OOSP4B: variants seen among roughly 807,000 people sequenced by gnomAD.
OOSP4B encodes oocyte secreted protein family member 4B.
intron 4 of OOSP4B, among the ~76,000 whole-genome samples, chr11:60,030,530 A>G (rs1282153206): frequency 1.3e-5 from 2 of 152,220 alleles, no homozygotes; most frequent in East Asian, 1.9e-4. Context: ...ACTTAAAATC[A>G]AAGTTGAAAT....
At chr11:60,022,437 T>C (rs891035932) in intron 1 of OOSP4B, 3 of 152,196 alleles carry the variant, frequency 2.0e-5, no homozygotes, top group African/African-American at 7.2e-5. Context: ...TATTAATCTC[T>C]CTAGGAAAAT....
At chr11:60,026,399 T>C (rs2134627591) in intron 3 of OOSP4B, among the ~76,000 whole-genome samples, 2 of 152,346 alleles carry the variant, frequency 1.3e-5, no homozygotes, top group South Asian at 4.1e-4. Context: ...ATTTCTTTCA[T>C]CCTTGAATTG....
chr11:60,022,420 C>T (rs932572947), intron 1 of OOSP4B: 27 of 152,136 alleles, frequency 1.8e-4, no homozygotes, highest in Admixed American at 1.4e-3. Context: ...ATATGAATAA[C>T]TTATGCTATT....
chr11:60,026,910 C>G (rs1854750906), intron 3 of OOSP4B, among the ~76,000 whole-genome samples: 1 of 152,150 alleles, frequency 6.6e-6, no homozygotes, highest in Non-Finnish European at 1.5e-5. Flanking sequence ...AGGATAAACA[C>G]AATTGTTAAC....
intron 3 of OOSP4B, among the ~76,000 whole-genome samples, chr11:60,026,694 C>A (rs1854749249): frequency 6.6e-6 from 1 of 152,202 alleles, no homozygotes. Context: ...CCAGTCATCT[C>A]TAAACCTTTG....
chr11:60,018,225 C>T (rs575006152), intron 1 of OOSP4B, among the ~76,000 whole-genome samples: 2 of 152,328 alleles, frequency 1.3e-5, no homozygotes, highest in East Asian at 3.9e-4. Flanking sequence ...TATGGACTTT[C>T]TCCTGTTTCT....
rs141873982 is a variant in OOSP4B at position 60,030,019 on chromosome 11, A to G, written c.450+90A>G. 412 of 395,556 alleles carry G rather than the reference A, an allele frequency of 1.0e-3. 1 individual carries two copies. The highest frequency in any genetic ancestry group is 7.8e-3 in the African/African-American group (382 of 48,698). 24.5% of individuals were successfully genotyped at this position (395,556 alleles called of 1,614,324 possible). The stretch of plus-strand genomic sequence containing the variant: ...GGCAATGATGTAAATTCCTATTTGA[A>G]TGCTGCATGCTGAAATTGCTCTGGT... On this transcript the variant is annotated intron_variant, in intron 4 of 4. Transcript: ENST00000642343.
intron 1 of OOSP4B, among the ~76,000 whole-genome samples, chr11:60,020,314 C>G (rs1035528781): frequency 1.3e-5 from 2 of 152,124 alleles, no homozygotes; most frequent in African/African-American, 4.8e-5. Flanking sequence ...AGGGGGCCCC[C>G]GCTTGTTGGG....
intron 3 of OOSP4B, among the ~76,000 whole-genome samples, chr11:60,028,818 C>G (rs534767500): frequency 6.6e-6 from 1 of 152,240 alleles, no homozygotes; most frequent in East Asian, 1.9e-4. Context: ...GATGCCTTCT[C>G]CACGGTGGGT....
intron 3 of OOSP4B, among the ~76,000 whole-genome samples, chr11:60,028,214 G>A (rs775837450): frequency 6.6e-6 from 1 of 151,482 alleles, no homozygotes; most frequent in Non-Finnish European, 1.5e-5. Flanking sequence ...TGCCCAGGCG[G>A]GAGTGCAGTG....
exon 2 of OOSP4B, chr11:60,023,996 A>C: frequency 2.5e-6 from 1 of 398,632 alleles, no homozygotes; most frequent in Non-Finnish European, 4.4e-6. Context: ...CTGTCCTGTA[A>C]CAAGACTGTT....
chr11:60,024,658 A>T (rs1854727406), intron 2 of OOSP4B, among the ~76,000 whole-genome samples: 1 of 152,230 alleles, frequency 6.6e-6, no homozygotes, highest in African/African-American at 2.4e-5. Flanking sequence ...GAAAAAGCAC[A>T]TATACTTTAA....
At chr11:60,025,429 G>A (rs1263420368) in intron 3 of OOSP4B, among the ~76,000 whole-genome samples, 2 of 152,330 alleles carry the variant, frequency 1.3e-5, no homozygotes, top group African/African-American at 2.4e-5. Flanking sequence ...ATTGACATGA[G>A]TAAGACTGAT....
intron 1 of OOSP4B, among the ~76,000 whole-genome samples, chr11:60,018,548 G>C (rs951613467): frequency 1.3e-5 from 2 of 152,202 alleles, no homozygotes; most frequent in Admixed American, 6.5e-5. Flanking sequence ...AGCAAAACCA[G>C]TGCCAGACCT....
intron 3 of OOSP4B, among the ~76,000 whole-genome samples, chr11:60,027,655 T>TAAAAAAAA (rs61649958): frequency 1.1e-4 from 7 of 62,234 alleles, no homozygotes; most frequent in Non-Finnish European, 2.0e-4. Flanking sequence ...GCTATGATAT[T>TAAAAAAAA]AAAAAAAAAA....
At chr11:60,030,089 G>A (rs550420465) in intron 4 of OOSP4B, among the ~76,000 whole-genome samples, 160 bp downstream of exon 4, 282 of 152,184 alleles carry the variant, frequency 1.9e-3, no homozygotes, top group African/African-American at 6.4e-3. Context: ...TCTGTACTTG[G>A]ATATAGTTAT....
At chr11:60,029,534 C>G (rs902194121) in intron 3 of OOSP4B, among the ~76,000 whole-genome samples, 1 of 152,130 alleles carries the variant, frequency 6.6e-6, no homozygotes, top group Non-Finnish European at 1.5e-5. Flanking sequence ...TTTTGCTCTT[C>G]AAAACTTTTA....
intron 1 of OOSP4B, chr11:60,019,425 G>A (rs1854663581): frequency 5.5e-6 from 1 of 180,406 alleles, no homozygotes; most frequent in Admixed American, 6.3e-5. Context: ...CTGACTTCAA[G>A]AATGAAGCCG....
chr11:60,022,388 A>G (rs1854700268), intron 1 of OOSP4B: 2 of 152,180 alleles, frequency 1.3e-5, no homozygotes, highest in South Asian at 4.1e-4. Flanking sequence ...TGTATTTACT[A>G]TCAGTATCTA....
Sources: gnomAD v4.1 joint callset for allele counts (sites outside exome capture counted in the v4.1 genomes callset) on GRCh38, gnomAD v4.1.1 for gene constraint, MANE v1.5 for transcripts, NCBI Gene and HGNC (gene_info 2026-07-23, HGNC 2026-07-21) for gene names.